MET: variants seen among roughly 807,000 people sequenced by gnomAD.
The protein encoded by MET is MET proto-oncogene, receptor tyrosine kinase.
In MET, 48 loss-of-function variants were observed where a neutral mutation model predicts 133.1. That is an observed-to-expected ratio of 0.36 (90% CI 0.29 to 0.46). MET has a LOEUF of 0.46. Among genes scored for constraint, MET ranks in the 20% least tolerant of loss-of-function variants. The pLI, the probability that MET is intolerant of heterozygous loss-of-function variation, is 1.00. For synonymous variants in MET, 628 were observed against 616.5 expected (o/e 1.02, Z -0.28); for missense variants, 1,442 against 1,695.9 (o/e 0.85, Z 2.63).
intron 5 of MET, among the ~76,000 whole-genome samples, chr7:116,741,267 C>T (rs899754998): frequency 3.9e-5 from 6 of 152,186 alleles, no homozygotes; most frequent in African/African-American, 1.4e-4. Context: ...ACCTGAAGTG[C>T]TTGCTTCACA....
intron 11 of MET, 46 bp from the exon 12 acceptor site, chr7:116,769,599 A>G (rs2116981700): frequency 6.2e-7 from 1 of 1,604,324 alleles, no homozygotes; most frequent in Non-Finnish European, 8.5e-7. Context: ...GCATTCCTGC[A>G]GAACTGTGAA....
rs1253894496 is a variant in MET, at chr7:116,758,490, C to T, written c.2134C>T (p.Pro712Ser). The T allele has an allele frequency of 6.2e-7, 1 of 1,613,460 alleles. No homozygotes were observed. Among genetic ancestry groups the T allele is most frequent in the Admixed American group, 1.7e-5 (1 of 59,966 alleles). The change falls in exon 9 of 21, where the codon CCA becomes TCA. Residue 712 changes from proline to serine, a missense_variant. Transcript: ENST00000397752. ...VSNSILECYT[P>S]AQTISTEFAV... is the part of the protein sequence containing the mutation. Reference sequence around the variant, plus strand: ...AAACAGTATTCTTGAATGTTATACCCCAGCCCAAACCATTTCAACTGAGTT... The same window carrying T: ...AAACAGTATTCTTGAATGTTATACCTCAGCCCAAACCATTTCAACTGAGTT...
chr7:116,700,976 C>G (rs528509838), intron 2 of MET, among the ~76,000 whole-genome samples: 1 of 152,258 alleles, frequency 6.6e-6, no homozygotes, highest in East Asian at 1.9e-4. Flanking sequence ...TTGTGTCTAC[C>G]AAGTTCTAGC....
intron 2 of MET, among the ~76,000 whole-genome samples, chr7:116,729,748 A>G (rs529671847): frequency 7.2e-4 from 110 of 152,114 alleles, no homozygotes; most frequent in Non-Finnish European, 1.0e-3. Flanking sequence ...AGAACCAAAT[A>G]CTCCCATTTG....
chr7:116,763,404 A>G (rs1794482461), intron 11 of MET, 136 bp downstream of exon 11: 7 of 811,246 alleles, frequency 8.6e-6, no homozygotes, highest in Non-Finnish European at 1.4e-5. Context: ...TGAAAAACAA[A>G]TCTTTTTGGC....
intron 1 of MET, among the ~76,000 whole-genome samples, chr7:116,692,861 A>C (rs1251616628): frequency 6.6e-6 from 1 of 152,246 alleles, no homozygotes; most frequent in Non-Finnish European, 1.5e-5. Context: ...TGAATTAGTC[A>C]GTCTGTTTGA....
intron 19 of MET, among the ~76,000 whole-genome samples, chr7:116,791,584 T>C (rs1352691383): frequency 1.3e-5 from 2 of 152,176 alleles, no homozygotes; most frequent in Non-Finnish European, 2.9e-5. Flanking sequence ...TTTATTGGCT[T>C]GTTTTTGTTT....
chr7:116,787,632 T>C (rs1795358503), intron 19 of MET, among the ~76,000 whole-genome samples: 1 of 151,994 alleles, frequency 6.6e-6, no homozygotes, highest in Admixed American at 6.6e-5. Flanking sequence ...CCCATGAGAG[T>C]AGAGCCTCAT....
chr7:116,696,599 C>A (rs1228066468), intron 1 of MET, among the ~76,000 whole-genome samples: 1 of 152,202 alleles, frequency 6.6e-6, no homozygotes, highest in African/African-American at 2.4e-5. Flanking sequence ...GCCTCACTGA[C>A]CTTAACCTTC....
At position 116,796,201 on chromosome 7, in the gene MET, G is replaced by T; in HGVS notation, c.*77G>T. The T allele has an allele frequency of 7.4e-7, 1 of 1,359,004 alleles. No individual in the cohort carries two copies. Among genetic ancestry groups the T allele is most frequent in the Non-Finnish European group, 1.0e-6 (1 of 955,680 alleles). The allele number at this position is 1,359,004 out of a possible 1,614,324, so 84.2% of individuals were successfully genotyped here. A position where few individuals can be genotyped will look rare whatever the true frequency, so the allele number is the denominator to read the frequency against. ...ACTGCCTGACCTTTAAAAGGCCATCGATATTCTTTGCTCTTGCCAAAATTG... is the reference window on the plus strand; with the variant it reads ...ACTGCCTGACCTTTAAAAGGCCATCTATATTCTTTGCTCTTGCCAAAATTG... On this transcript the variant is annotated 3_prime_UTR_variant, in exon 21 of 21. Transcript: ENST00000397752.
At position 116,771,650 on chromosome 7, in the gene MET, T is replaced by G. The variant is rs1794837434; in HGVS notation, c.2883T>G (p.Ile961Met). The G allele has an allele frequency of 6.2e-7, 1 of 1,613,754 alleles. No homozygotes were observed. Among genetic ancestry groups the G allele is most frequent in the Admixed American group, 1.7e-5 (1 of 60,002 alleles). ...FFLWLKKRKQIKDLGSELVRY... is the reference protein window; with the variant it reads ...FFLWLKKRKQMKDLGSELVRY... ...TGTGGCTGAAAAAGAGAAAGCAAAT[T>G]AAAGGTGCATTTTTGTTACTGTTCA... Residue 961 changes from isoleucine to methionine, a missense_variant, in exon 13 of 21, where the codon ATT becomes ATG. By Grantham distance (10) the Ile-to-Met change is conservative. Around this residue, in one of 6 missense-constraint regions of MET, gnomAD observed 514 missense variants for 659.6 expected, o/e 0.78. Coordinates refer to ENST00000397752, the MANE Select transcript of MET (RefSeq NM_000245.4).
Position 116,757,671 on chromosome 7 carries a change from G to A in MET, c.1999G>A (p.Gly667Ser), listed in dbSNP as rs1164546569. 2 of 1,613,794 alleles carry A rather than the reference G, an allele frequency of 1.2e-6. No homozygotes were observed. The highest frequency in any genetic ancestry group is 1.7e-6 in the Non-Finnish European group (2 of 1,179,910). Residue 667 changes from glycine to serine, a missense_variant, in exon 8 of 21, where the codon GGT becomes AGT. By Grantham distance (56) the Gly-to-Ser change is moderately conservative. Transcript: ENST00000397752. ...PVITSISPKY[G>S]PMAGGTLLTL... ...AATAACAAGTATTTCGCCGAAATAC[G>A]GTCCTATGGCTGGTGGCACTTTACT...
At chr7:116,761,567 A>T (rs1794398463) in intron 10 of MET, among the ~76,000 whole-genome samples, 1 of 152,164 alleles carries the variant, frequency 6.6e-6, no homozygotes, top group African/African-American at 2.4e-5. Context: ...TCCTTTCAAA[A>T]CAAGAACAAT....
chr7:116,704,116 C>T (rs1791681629), intron 2 of MET, among the ~76,000 whole-genome samples: 1 of 152,106 alleles, frequency 6.6e-6, no homozygotes, highest in African/African-American at 2.4e-5. Flanking sequence ...AACCATGTGA[C>T]TTCTGCCACA....
chr7:116,757,081 A>G (rs955806532), intron 6 of MET, among the ~76,000 whole-genome samples: 3 of 150,542 alleles, frequency 2.0e-5, no homozygotes, highest in Non-Finnish European at 4.4e-5. Context: ...AAAAAAAAAA[A>G]TTTTTTTTTA....
chr7:116,772,430 C>G (rs2117003877), intron 14 of MET, among the ~76,000 whole-genome samples: 1 of 152,266 alleles, frequency 6.6e-6, no homozygotes, highest in South Asian at 2.1e-4. Context: ...ACTGTTAGTA[C>G]ACAGCCTTTT....
At chr7:116,767,334 C>A (rs779971558) in intron 11 of MET, among the ~76,000 whole-genome samples, 9 of 152,146 alleles carry the variant, frequency 5.9e-5, no homozygotes, top group Non-Finnish European at 1.2e-4. Context: ...TGATATAGCA[C>A]ATTGGGAGTA....
chr7:116,770,160 T>C (rs1350967660), intron 12 of MET, among the ~76,000 whole-genome samples: 1 of 152,282 alleles, frequency 6.6e-6, no homozygotes, highest in Non-Finnish European at 1.5e-5. Flanking sequence ...TGATCACTAA[T>C]GCATAGAGTC....
At chr7:116,762,997 G>A in intron 10 of MET, 53 bp from the exon 11 acceptor site, 1 of 1,444,288 alleles carries the variant, frequency 6.9e-7, no homozygotes, top group African/African-American at 1.4e-5. Context: ...AAGTTGCTAT[G>A]GATGTTGCCA....
Sources: gnomAD v4.1 joint callset for allele counts (sites outside exome capture counted in the v4.1 genomes callset) on GRCh38, gnomAD v4.1.1 for gene constraint, gnomAD v4.1.1 regional missense constraint, MANE v1.5 for transcripts, NCBI Gene and HGNC (gene_info 2026-07-23, HGNC 2026-07-21) for gene names.